Variants in WDPCP observed in about 807,000 individuals in gnomAD.
WDPCP encodes the protein WD repeat containing planar cell polarity effector.
In WDPCP, 71 loss-of-function variants were observed where a neutral mutation model predicts 93.1. That is an observed-to-expected ratio of 0.76 (90% CI 0.63 to 0.93). The LOEUF is 0.93. Ranked by LOEUF, WDPCP falls within the 40% of genes least tolerant of loss-of-function variation. WDPCP has a pLI of 0.00. For missense variants in WDPCP, 844 were observed against 887.4 expected, an observed-to-expected ratio of 0.95 and a Z score of 0.62; for synonymous variants, 315 against 315.0, an observed-to-expected ratio of 1.00 and a Z score of 0.00.
chr2:63,792,427 G>A (rs1006924122), intron 2 of WDPCP, among the ~76,000 whole-genome samples: 4 of 152,120 alleles, frequency 2.6e-5, no homozygotes, highest in East Asian at 3.9e-4. Flanking sequence ...CCACCAGGTC[G>A]CTCCCTCGAC....
chr2:63,299,687 T>C (rs576600454), intron 13 of WDPCP, among the ~76,000 whole-genome samples: 1 of 152,304 alleles, frequency 6.6e-6, no homozygotes, highest in South Asian at 2.1e-4. Context: ...CCTCAACTTG[T>C]AAGGCATAAT....
intron 10 of WDPCP, among the ~76,000 whole-genome samples, chr2:63,395,508 T>TGA (rs1693645721): frequency 6.6e-6 from 1 of 152,192 alleles, no homozygotes; most frequent in South Asian, 2.1e-4. Flanking sequence ...TACAGCCATT[T>TGA]CACTTAGGAT....
chr2:63,399,378 C>A (rs940563520), intron 10 of WDPCP, among the ~76,000 whole-genome samples: 2 of 151,786 alleles, frequency 1.3e-5, no homozygotes, highest in African/African-American at 4.8e-5. Context: ...AGCAGGAAGC[C>A]CTCTAAATCC....
At chr2:63,697,455 A>G (rs1423908196) in intron 2 of WDPCP, among the ~76,000 whole-genome samples, 1 of 152,168 alleles carries the variant, frequency 6.6e-6, no homozygotes, top group African/African-American at 2.4e-5. Flanking sequence ...AAAGCAGGCT[A>G]AAAAACAGTT....
intron 13 of WDPCP, among the ~76,000 whole-genome samples, chr2:63,277,618 A>C (rs1683187559): frequency 6.6e-6 from 1 of 152,222 alleles, no homozygotes; most frequent in African/African-American, 2.4e-5. Flanking sequence ...TATATCAGAC[A>C]AAACAAACTT....
chr2:63,182,099 GA>G (rs1222294945), intron 14 of WDPCP, among the ~76,000 whole-genome samples: 1 of 152,010 alleles, frequency 6.6e-6, no homozygotes, highest in Non-Finnish European at 1.5e-5. Flanking sequence ...AGCAAACAGA[GA>G]TAAGTTGACT....
At chr2:63,572,058 G>GT (rs1237128651) in intron 1 of WDPCP, among the ~76,000 whole-genome samples, 1 of 152,154 alleles carries the variant, frequency 6.6e-6, no homozygotes, top group Non-Finnish European at 1.5e-5. Context: ...CACAGAAGCA[G>GT]TGGACGTATA....
In WDPCP at chr2:63,174,211, T is replaced by C. The variant is rs1673623353; in HGVS notation, c.2078+459A>G. 2.0e-5 allele frequency among the ~76,000 whole-genome samples: 3 copies of C among 152,142 alleles called. No individual in the cohort carries two copies. The South Asian group carries it at 6.2e-4, about 31-fold the overall frequency. ...ACTTTTGTTTGTTTTTTAAATTTCA[T>C]ATTTATTCTTTATCTTCTCAATAAC... is the stretch of plus-strand genomic sequence containing the variant. On this transcript the variant is annotated intron_variant, in intron 15 of 17. Transcript: ENST00000272321.
chr2:63,473,893 T>C (rs1174825542), intron 6 of WDPCP, among the ~76,000 whole-genome samples: 1 of 152,164 alleles, frequency 6.6e-6, no homozygotes, highest in African/African-American at 2.4e-5. Context: ...AAAAACAGTA[T>C]GATATACAGT....
chr2:63,194,940 GT>G (rs1414148508), intron 14 of WDPCP, among the ~76,000 whole-genome samples: 1 of 152,040 alleles, frequency 6.6e-6, no homozygotes, highest in Non-Finnish European at 1.5e-5. Context: ...TAATCAGATG[GT>G]TTTTTACATC....
intron 12 of WDPCP, among the ~76,000 whole-genome samples, chr2:63,343,976 A>G (rs1284842785): frequency 6.6e-6 from 1 of 152,174 alleles, no homozygotes; most frequent in Non-Finnish European, 1.5e-5. Context: ...AGTTTAAAGG[A>G]AGACAGTTGA....
chr2:63,361,521 T>C (rs1690451762), intron 12 of WDPCP, among the ~76,000 whole-genome samples: 1 of 151,924 alleles, frequency 6.6e-6, no homozygotes, highest in Non-Finnish European at 1.5e-5. Flanking sequence ...TAAAGAAAAA[T>C]TTGTAGAAGA....
intron 2 of WDPCP, among the ~76,000 whole-genome samples, chr2:63,674,948 G>A (rs1222135893): frequency 3.9e-5 from 6 of 152,148 alleles, no homozygotes; most frequent in Non-Finnish European, 4.4e-5. Context: ...TGTGATCTAA[G>A]TTATCCTGGG....
At chr2:63,191,341 G>C (rs1675028232) in intron 14 of WDPCP, among the ~76,000 whole-genome samples, 1 of 152,072 alleles carries the variant, frequency 6.6e-6, no homozygotes. Context: ...GCAGTGAGCT[G>C]AGATTGCACC....
At position 63,641,803 on chromosome 2, in the gene WDPCP, T is replaced by A. The variant is rs146889256; in HGVS notation, n.488+8856A>T. On this transcript the variant is annotated intron_variant and non_coding_transcript_variant, in intron 3 of 4. Coordinates refer to the WDPCP transcript ENST00000467687. The stretch of plus-strand genomic sequence containing the variant: ...GCAAAGTCTTTTTAACTTCATGTGA[T>A]CCCATTTGTCCATTTTTGCTTTGGT... Among the ~76,000 whole-genome samples the A allele has an allele frequency of 1.9e-3, 293 of 152,322 alleles. 3 individuals carry two copies. The highest frequency in any genetic ancestry group is 6.5e-3 in the African/African-American group (269 of 41,576).
chr2:63,528,545 C>T (rs1298290536), intron 1 of WDPCP, among the ~76,000 whole-genome samples: 1 of 152,142 alleles, frequency 6.6e-6, no homozygotes, highest in Non-Finnish European at 1.5e-5. Context: ...GGTATTATTT[C>T]TGAGGGCTCT....
chr2:63,401,989 A>G (rs1694185784), intron 10 of WDPCP, among the ~76,000 whole-genome samples: 1 of 152,198 alleles, frequency 6.6e-6, no homozygotes, highest in Non-Finnish European at 1.5e-5. Context: ...ACCCAAAGGA[A>G]TATAAATCAT....
rs796596833 is a variant in WDPCP, at chr2:63,567,606, C to G, written c.75+20591G>C. 3.9e-5 allele frequency among the ~76,000 whole-genome samples: 6 copies of G among 152,324 alleles called. 1 individual carries two copies. The highest frequency in any genetic ancestry group is 1.4e-4 in the African/African-American group (6 of 41,574). ...TTTTCCCCCTACTTAGCTACAGTTA[C>G]AGTTTAAATATCAGTTGCTAAAAGA... On this transcript the variant is annotated intron_variant, in intron 1 of 17. Coordinates refer to ENST00000272321, the MANE Select transcript of WDPCP (RefSeq NM_015910.7).
chr2:63,756,814 A>C (rs1267856269), intron 2 of WDPCP, among the ~76,000 whole-genome samples: 1 of 152,188 alleles, frequency 6.6e-6, no homozygotes, highest in Non-Finnish European at 1.5e-5. Flanking sequence ...TAATCCTGTT[A>C]ATCTAAAAAT....
Sources: gnomAD v4.1 joint callset for allele counts (sites outside exome capture counted in the v4.1 genomes callset) on GRCh38, gnomAD v4.1.1 for gene constraint, MANE v1.5 for transcripts, NCBI Gene and HGNC (gene_info 2026-07-23, HGNC 2026-07-21) for gene names.